Variants in FAM210B observed in about 807,000 individuals in gnomAD.
The protein encoded by FAM210B is family with sequence similarity 210 member B.
FAM210B carries 11 observed loss-of-function variants against 14.9 expected under a neutral mutation model. That is an observed-to-expected ratio of 0.74 (90% CI 0.46 to 1.22). The LOEUF (loss-of-function observed/expected upper bound fraction) is 1.22. Ranked by LOEUF, FAM210B falls within the 50% of genes most tolerant of loss-of-function variation. The pLI is 0.00. For missense variants in FAM210B, 229 were observed against 250.1 expected (o/e 0.92, Z 0.57); for synonymous variants, 113 against 110.2 (o/e 1.03, Z -0.16).
Position 56,359,219 on chromosome 20 carries a change from C to A in FAM210B, c.186+28C>A. 1 of 1,223,572 alleles carries A rather than the reference C, an allele frequency of 8.2e-7. No individual in the cohort carries two copies. The highest frequency in any genetic ancestry group is 4.1e-5 in the South Asian group (1 of 24,248). 75.8% of individuals were successfully genotyped at this position (1,223,572 alleles called of 1,614,324 possible). A position where few individuals can be genotyped will look rare whatever the true frequency, so the allele number is the denominator to read the frequency against. ...AAGCACCCCACCCCGACCCTGATCC[C>A]GGGCGGTGTCCAGGTCCCCAGACGT... On this transcript the variant is annotated intron_variant, in intron 1 of 2. Transcript: ENST00000371384. This position sits in a 1 kb window ranked among gnomAD's most constrained non-coding sequence, Gnocchi z 4.3.
At position 56,359,077 on chromosome 20, in the gene FAM210B, G is replaced by A; in HGVS notation, c.72G>A (p.Trp24Ter). The change falls in exon 1 of 3, where the codon TGG becomes TGA. Residue 24 changes from tryptophan to a stop codon, truncating the protein, a stop_gained. Coordinates refer to ENST00000371384, the MANE Select transcript of FAM210B (RefSeq NM_080821.3). LOFTEE classifies it high-confidence loss of function. The surrounding 1 kb of genome is among the most constrained non-coding windows in gnomAD (Gnocchi z 4.3). ...VGARVRPRATWLLGATAPCAP... is the reference protein window; with the variant it reads ...VGARVRPRAT ...CCCGGGTCCGGCCTCGCGCCACCTG[G>A]CTCCTGGGCGCCACCGCCCCCTGCG... 2.2e-6 allele frequency: 3 copies of A among 1,353,334 alleles called. No individual in the cohort carries two copies. Among genetic ancestry groups the A allele is most frequent in the Non-Finnish European group, 2.9e-6 (3 of 1,048,862 alleles). 83.8% of individuals were successfully genotyped at this position (1,353,334 alleles called of 1,614,324 possible).
At chr20:56,365,956 A>C in intron 2 of FAM210B, 115 bp from the exon 3 acceptor site, 2 of 729,906 alleles carry the variant, frequency 2.7e-6, no homozygotes, top group Admixed American at 3.0e-5. Flanking sequence ...TAAGACTTTT[A>C]TTCATTCAGC....
intron 1 of FAM210B, chr20:56,360,284 T>A (rs1369248646): frequency 2.1e-6 from 1 of 467,892 alleles, no homozygotes; most frequent in African/African-American, 2.0e-5. Context: ...GCCCAGCTGT[T>A]CCTTCCTCCG....
At position 56,367,792 on chromosome 20, in the gene FAM210B, C is replaced by T. The variant is rs1255256673; in HGVS notation, c.*1505C>T. On this transcript the variant is annotated 3_prime_UTR_variant, in exon 3 of 3. Coordinates refer to ENST00000371384, the MANE Select transcript of FAM210B (RefSeq NM_080821.3). ...TCTCTGATGCAGGGCACTTGCTCCA[C>T]ACTCTGGGAACCCAGATTCACCAGT... is the stretch of plus-strand genomic sequence containing the variant. 8 of 152,264 alleles carry T rather than the reference C, an allele frequency of 5.3e-5. No homozygotes were observed. The highest frequency in any genetic ancestry group is 5.2e-4 in the Admixed American group (8 of 15,290). The allele number at this position is 152,264 out of a possible 1,614,324, so 9.4% of individuals were successfully genotyped here.
chr20:56,366,554 A>G lies in FAM210B; in HGVS notation c.*267A>G. ...GGCATCGGAGATGGGTTAACATCTC[A>G]AAACAAAATAGCCTACAAATGTTCC... is the stretch of plus-strand genomic sequence containing the variant. On this transcript the variant is annotated 3_prime_UTR_variant, in exon 3 of 3. Transcript: ENST00000371384. 1 of 368,552 alleles carries G rather than the reference A, an allele frequency of 2.7e-6. No homozygotes were observed. The highest frequency in any genetic ancestry group is 4.9e-6 in the Non-Finnish European group (1 of 203,354). 22.8% of individuals were successfully genotyped at this position (368,552 alleles called of 1,614,324 possible).
rs1983562297 is a variant in FAM210B, at chr20:56,362,965, C to T, written c.187-2122C>T. Among the ~76,000 whole-genome samples the T allele has an allele frequency of 6.6e-6, 1 of 152,218 alleles. No individual in the cohort carries two copies. The highest frequency in any genetic ancestry group is 2.4e-5 in the African/African-American group (1 of 41,454). On this transcript the variant is annotated intron_variant, in intron 1 of 2. Transcript: ENST00000371384. The surrounding 1 kb of genome is among the most constrained non-coding windows in gnomAD (Gnocchi z 4.8). ...CACCACCTGGCTGCTGTCCCCTCTGCAGCCTCCCTCAGCAGCTGGAGGTGG... is the reference window on the plus strand; with the variant it reads ...CACCACCTGGCTGCTGTCCCCTCTGTAGCCTCCCTCAGCAGCTGGAGGTGG...
rs1395751085 is a variant in FAM210B at position 56,363,779 on chromosome 20, G to A, written c.187-1308G>A. Among the ~76,000 whole-genome samples the A allele has an allele frequency of 6.6e-6, 1 of 152,204 alleles. No individual in the cohort carries two copies. Among genetic ancestry groups the A allele is most frequent in the Non-Finnish European group, 1.5e-5 (1 of 68,034 alleles). The stretch of plus-strand genomic sequence containing the variant: ...TGTGCAAAAATCGCCCCCACTTTGT[G>A]TGTTTCAGATGTCAGGTGTAAATCT... On this transcript the variant is annotated intron_variant, in intron 1 of 2. Transcript: ENST00000371384. The surrounding 1 kb of genome is among the most constrained non-coding windows in gnomAD (Gnocchi z 4.1).
At chr20:56,360,342 C>T in intron 1 of FAM210B, 1 of 434,600 alleles carries the variant, frequency 2.3e-6, no homozygotes, top group South Asian at 1.6e-5. Context: ...CTCCACTGGG[C>T]CTGCTTCCAC....
rs1181498683 is a variant in FAM210B at position 56,359,256 on chromosome 20, C to T, written c.186+65C>T. On this transcript the variant is annotated intron_variant, in intron 1 of 2. Coordinates refer to ENST00000371384, the MANE Select transcript of FAM210B (RefSeq NM_080821.3). The surrounding 1 kb of genome is among the most constrained non-coding windows in gnomAD (Gnocchi z 4.3). ...AGGTCCCCAGACGTCCGCAGGGCCG[C>T]GCCGGGGTCCGGCCGCCTCCGCCAA... 1.6e-5 allele frequency: 19 copies of T among 1,207,322 alleles called. 1 individual carries two copies. In the Admixed American group the frequency reaches 6.6e-4, roughly 42 times the overall value. 74.8% of individuals were successfully genotyped at this position (1,207,322 alleles called of 1,614,324 possible).
Position 56,367,119 on chromosome 20 carries a change from AT to A in FAM210B, c.*833del, listed in dbSNP as rs763050626. On this transcript the variant is annotated 3_prime_UTR_variant, in exon 3 of 3. Coordinates refer to ENST00000371384, the MANE Select transcript of FAM210B (RefSeq NM_080821.3). ...AAACTTCAGACATTCCAGAATTGTC[AT>A]GATGTTTACACTGTCTGAGTTAAAA... is the stretch of plus-strand genomic sequence containing the variant. 3.9e-5 allele frequency: 6 copies of A among 152,576 alleles called. No homozygotes were observed. The highest frequency in any genetic ancestry group is 7.3e-5 in the Non-Finnish European group (5 of 68,040). The allele number at this position is 152,576 out of a possible 1,614,324, so 9.5% of individuals were successfully genotyped here.
chr20:56,368,396 A>G lies in FAM210B; in HGVS notation c.*2109A>G, dbSNP rs1473606185. 2.0e-5 allele frequency: 3 copies of G among 152,524 alleles called. No individual in the cohort carries two copies. The East Asian group carries it at 5.8e-4, about 29-fold the overall frequency. 9.4% of individuals were successfully genotyped at this position (152,524 alleles called of 1,614,324 possible). On this transcript the variant is annotated 3_prime_UTR_variant, in exon 3 of 3. Coordinates refer to ENST00000371384, the MANE Select transcript of FAM210B (RefSeq NM_080821.3). ...CTACAGGTTTAAGGGCTTAAATCTCAAACTTTGTTAGGAGTAACAGGAGCG... is the reference window on the plus strand; with the variant it reads ...CTACAGGTTTAAGGGCTTAAATCTCGAACTTTGTTAGGAGTAACAGGAGCG...
intron 1 of FAM210B, among the ~76,000 whole-genome samples, chr20:56,360,951 T>C (rs924545477): frequency 6.6e-6 from 1 of 152,222 alleles, no homozygotes; most frequent in Non-Finnish European, 1.5e-5. Flanking sequence ...GCTGCCCAGC[T>C]GGGCTCTCCA....
rs566348124 is a variant in FAM210B, at chr20:56,364,327, C to T, written c.187-760C>T. Among the ~76,000 whole-genome samples, 300 of 152,358 alleles carry T rather than the reference C, an allele frequency of 2.0e-3. 1 individual carries two copies. Among genetic ancestry groups the T allele is most frequent in the African/African-American group, 6.9e-3 (285 of 41,578 alleles). On this transcript the variant is annotated intron_variant, in intron 1 of 2. Transcript: ENST00000371384. ...TTAAAGCCGCTTGCATTCCTTGGCT[C>T]ATGGCCCTTGCCTCCATAAGCCAGT... is the stretch of plus-strand genomic sequence containing the variant.
chr20:56,360,922 C>T (rs114448345), intron 1 of FAM210B, among the ~76,000 whole-genome samples: 92 of 152,306 alleles, frequency 6.0e-4, no homozygotes, highest in African/African-American at 2.1e-3. Flanking sequence ...CGCCCACCCT[C>T]GTCGGGAGGT....
chr20:56,365,994 TAAATCTTATAGCCAAATCAA>T, intron 2 of FAM210B, 57 bp from the exon 3 acceptor site: 1 of 955,162 alleles, frequency 1.0e-6, no homozygotes, highest in Non-Finnish European at 1.5e-6. Context: ...TAAAATACTG[TAAATCTTATAGCCAAATCAA>T]TTTCTTCATT....
rs1266045511 is a variant in FAM210B at position 56,363,850 on chromosome 20, G to A, written c.187-1237G>A. On this transcript the variant is annotated intron_variant, in intron 1 of 2. Transcript: ENST00000371384. The surrounding 1 kb of genome is among the most constrained non-coding windows in gnomAD (Gnocchi z 4.1). The stretch of plus-strand genomic sequence containing the variant: ...CCATCGCTTTTGCTGCATTAATTTT[G>A]TGCGCACCGTCCTTTTTTGATGGCA... 6.6e-6 allele frequency among the ~76,000 whole-genome samples: 1 copy of A among 152,138 alleles called. No individual in the cohort carries two copies. The highest frequency in any genetic ancestry group is 1.5e-5 in the Non-Finnish European group (1 of 68,040).
At position 56,366,570 on chromosome 20, in the gene FAM210B, C is replaced by CAAAT; in HGVS notation, c.*284_*287dup. 6.3e-6 allele frequency: 2 copies of CAAAT among 317,302 alleles called. No individual in the cohort carries two copies. Among genetic ancestry groups the CAAAT allele is most frequent in the Admixed American group, 4.8e-5 (1 of 20,862 alleles). The allele number at this position is 317,302 out of a possible 1,614,324, so 19.7% of individuals were successfully genotyped here. ...TAACATCTCAAAACAAAATAGCCTA[C>CAAAT]AAATGTTCCTTGTGGGAGACTTTGG... On this transcript the variant is annotated 3_prime_UTR_variant, in exon 3 of 3. Coordinates refer to ENST00000371384, the MANE Select transcript of FAM210B (RefSeq NM_080821.3).
rs10643320 is a variant in FAM210B, at chr20:56,362,341, T to TCA, written c.187-2738_187-2737dup. 0.43 allele frequency among the ~76,000 whole-genome samples: 65,084 copies of TCA among 151,650 alleles called. 16,609 individuals carry two copies. The highest frequency in any genetic ancestry group is 0.7 in the African/African-American group (28,900 of 41,276). ...AGGGGCATCTCACACACACACTGTCTCACACACACTCTCACACACATGTGC... is the reference window on the plus strand; with the variant it reads ...AGGGGCATCTCACACACACACTGTCTCACACACACACTCTCACACACATGTGC... On this transcript the variant is annotated intron_variant, in intron 1 of 2. Coordinates refer to ENST00000371384, the MANE Select transcript of FAM210B (RefSeq NM_080821.3). The surrounding 1 kb of genome is among the most constrained non-coding windows in gnomAD (Gnocchi z 4.8).
At chr20:56,366,039 A>G in intron 2 of FAM210B, 32 bp from the exon 3 acceptor site, 1 of 1,527,772 alleles carries the variant, frequency 6.5e-7, no homozygotes, top group South Asian at 1.1e-5. Flanking sequence ...CCCTTGCTGT[A>G]ATAATTGTTT....
Sources: gnomAD v4.1 joint callset for allele counts (sites outside exome capture counted in the v4.1 genomes callset) on GRCh38, gnomAD v4.1.1 for gene constraint, Gnocchi (gnomAD v3.1) non-coding constraint, MANE v1.5 for transcripts, NCBI Gene and HGNC (gene_info 2026-07-23, HGNC 2026-07-21) for gene names.